The following ATRAID variants were observed in gnomAD, a reference collection of about 807,000 sequenced individuals.
ATRAID encodes the protein all-trans retinoic acid-induced differentiation factor.
ATRAID carries 26 observed loss-of-function variants against 28.8 expected under a neutral mutation model. The observed-to-expected ratio is 0.90, with a 90% CI of 0.66 to 1.25. The LOEUF (loss-of-function observed/expected upper bound fraction) is 1.25, where lower values mean the gene tolerates loss of function less well. Among genes scored for constraint, ATRAID ranks in the 50% most tolerant of loss-of-function variants. ATRAID has a pLI of 0.00. For missense variants in ATRAID, 308 were observed against 285.9 expected (o/e 1.08, Z -0.56); for synonymous variants, 131 against 108.5 (o/e 1.21, Z -1.29).
intron 2 of ATRAID, 28 bp downstream of exon 2, chr2:27,213,326 G>C (rs368522499): frequency 1.0e-5 from 16 of 1,605,736 alleles, no homozygotes; most frequent in African/African-American, 8.0e-5. Flanking sequence ...CTAGATGCTG[G>C]ATACAGGCCA....
intron 2 of ATRAID, among the ~76,000 whole-genome samples, chr2:27,214,804 A>G (rs904994683): frequency 1.3e-5 from 2 of 152,256 alleles, no homozygotes; most frequent in Non-Finnish European, 2.9e-5. Context: ...GTGAGCCGAG[A>G]TCGTGCCACT....
At position 27,217,068 on chromosome 2, in the gene ATRAID, A is replaced by G. The variant is rs1674879083; in HGVS notation, c.*120A>G. On this transcript the variant is annotated 3_prime_UTR_variant, in exon 7 of 7. Transcript: ENST00000380171. ...GATTCGCCTCAAGGTTGAGGCCGCC[A>G]TTGGAAGATGAAAAATTGCACTCCC... is the stretch of plus-strand genomic sequence containing the variant. 9 of 816,092 alleles carry G rather than the reference A, an allele frequency of 1.1e-5. No individual in the cohort carries two copies. Among genetic ancestry groups the G allele is most frequent in the African/African-American group, 1.7e-5 (1 of 58,182 alleles). 50.6% of individuals were successfully genotyped at this position (816,092 alleles called of 1,614,324 possible).
In ATRAID at chr2:27,212,271, G is replaced by A; in HGVS notation, c.-98G>A. The A allele has an allele frequency of 6.4e-7, 1 of 1,555,326 alleles. No homozygotes were observed. Among genetic ancestry groups the A allele is most frequent in the Non-Finnish European group, 8.7e-7 (1 of 1,149,822 alleles). ...AGCAGCCCCAGGGCGACTGGACCGG[G>A]CCGCTTAGGCCACGCCCGGGGAAGA... On this transcript the variant is annotated 5_prime_UTR_variant, in exon 1 of 7. Coordinates refer to ENST00000380171, the MANE Select transcript of ATRAID (RefSeq NM_001170795.4).
rs1315419716 is a variant in ATRAID, at chr2:27,212,485, A to T, written c.99+18A>T. ...TACCCGAGGTACAGAAGCAAGTTTG[A>T]GGTCGGGCTGAAGCAGGGTCGCTGG... On this transcript the variant is annotated intron_variant, in intron 1 of 6. Transcript: ENST00000380171. 1.3e-6 allele frequency: 2 copies of T among 1,556,190 alleles called. No homozygotes were observed. The highest frequency in any genetic ancestry group is 1.7e-6 in the Non-Finnish European group (2 of 1,153,214).
Position 27,212,201 on chromosome 2 carries a change from C to G in ATRAID, c.-168C>G. The stretch of plus-strand genomic sequence containing the variant: ...CAGTATCCCCGAAAGAGGGCTAGGG[C>G]GCATGAAGACCAGCGCAGAGCTCCA... On this transcript the variant is annotated 5_prime_UTR_variant, in exon 1 of 7. Transcript: ENST00000380171. 1 of 1,553,898 alleles carries G rather than the reference C, an allele frequency of 6.4e-7. No homozygotes were observed. Among genetic ancestry groups the G allele is most frequent in the Non-Finnish European group, 8.7e-7 (1 of 1,149,314 alleles).
rs1247016636 is a variant in ATRAID, at chr2:27,216,966, A to C, written c.*18A>C. On this transcript the variant is annotated 3_prime_UTR_variant, in exon 7 of 7. Coordinates refer to ENST00000380171, the MANE Select transcript of ATRAID (RefSeq NM_001170795.4). Reference sequence around the variant, plus strand: ...CTTCATGAACTACATAGGTCTTACCATTGACCTAAGATCAATCTGAACTAT... The same window carrying C: ...CTTCATGAACTACATAGGTCTTACCCTTGACCTAAGATCAATCTGAACTAT... 2.5e-6 allele frequency: 4 copies of C among 1,575,576 alleles called. No homozygotes were observed. Among genetic ancestry groups the C allele is most frequent in the East Asian group, 2.2e-5 (1 of 44,652 alleles).
At position 27,212,188 on chromosome 2, in the gene ATRAID, A is replaced by T. The variant is rs912025923; in HGVS notation, c.-181A>T. ...AGAGGGGGTCGGCCAGTATCCCCGA[A>T]AGAGGGCTAGGGCGCATGAAGACCA... On this transcript the variant is annotated 5_prime_UTR_variant, in exon 1 of 7. Coordinates refer to ENST00000380171, the MANE Select transcript of ATRAID (RefSeq NM_001170795.4). 1 of 1,543,712 alleles carries T rather than the reference A, an allele frequency of 6.5e-7. No homozygotes were observed. The highest frequency in any genetic ancestry group is 1.4e-5 in the African/African-American group (1 of 72,336).
chr2:27,215,750 C>T lies in ATRAID; in HGVS notation c.484C>T (p.Pro162Ser). The part of the protein sequence containing the change: ...QKNLCNNTGD[P>S]EMCPENGSCV... ...GAACCTTTGCAATAACACTGGGGAC[C>T]CAGGTATGCTGTCTTACCTCCAAAC... Residue 162 changes from proline (P) to serine (S), a missense_variant, in exon 5 of 7, where the codon CCA becomes TCA. Pro to Ser is a moderately conservative substitution (Grantham distance 74). Coordinates refer to ENST00000380171, the MANE Select transcript of ATRAID (RefSeq NM_001170795.4). 5.0e-6 allele frequency: 8 copies of T among 1,613,978 alleles called. No individual in the cohort carries two copies. The highest frequency in any genetic ancestry group is 6.8e-6 in the Non-Finnish European group (8 of 1,179,966).
In ATRAID at chr2:27,213,465, C is replaced by T. The variant is rs1205651805; in HGVS notation, c.221+167C>T. The stretch of plus-strand genomic sequence containing the variant: ...TTTAGTGTCTTTTTTAACCTTTCCA[C>T]ACTCCAGGTACATACGGGTACCTCT... On this transcript the variant is annotated intron_variant, in intron 2 of 6. Coordinates refer to ENST00000380171, the MANE Select transcript of ATRAID (RefSeq NM_001170795.4). The T allele has an allele frequency of 7.0e-6, 6 of 858,728 alleles. No individual in the cohort carries two copies. In the East Asian group the frequency reaches 8.5e-5, roughly 12 times the overall value. The allele number at this position is 858,728 out of a possible 1,614,324, so 53.2% of individuals were successfully genotyped here. A position where few individuals can be genotyped will look rare whatever the true frequency, so the allele number is the denominator to read the frequency against.
intron 2 of ATRAID, among the ~76,000 whole-genome samples, chr2:27,213,947 A>G (rs1487230627): frequency 6.6e-6 from 1 of 152,076 alleles, no homozygotes; most frequent in Admixed American, 6.6e-5. Flanking sequence ...TTAAATTATT[A>G]TTTATTTATT....
chr2:27,212,929 G>A (rs1002969472), intron 1 of ATRAID: 11 of 525,044 alleles, frequency 2.1e-5, no homozygotes, highest in Non-Finnish European at 3.3e-5. Context: ...CTTCAGAGAT[G>A]AGGACCTTCC....
At chr2:27,212,812 TTGA>T in intron 1 of ATRAID, 1 of 552,524 alleles carries the variant, frequency 1.8e-6, no homozygotes, top group Non-Finnish European at 2.9e-6. Flanking sequence ...TTTGTAATGC[TTGA>T]TGAGTTCTTT....
chr2:27,216,717 C>T, intron 6 of ATRAID, 97 bp downstream of exon 6: 1 of 1,434,652 alleles, frequency 7.0e-7, no homozygotes, highest in South Asian at 1.2e-5. Context: ...ATACAAATTT[C>T]CTATAGGTGG....
intron 5 of ATRAID, 37 bp downstream of exon 5, chr2:27,215,790 T>G (rs764208613): frequency 6.2e-7 from 1 of 1,605,860 alleles, no homozygotes; most frequent in South Asian, 1.1e-5. Context: ...GGGAATTGTC[T>G]TTTCTCCCTT....
intron 5 of ATRAID, 198 bp from the exon 6 acceptor site, chr2:27,216,325 C>T (rs907513507): frequency 8.8e-6 from 5 of 571,344 alleles, no homozygotes; most frequent in South Asian, 2.0e-5. Flanking sequence ...TGGATGTATA[C>T]GTGCAGGTCA....
At position 27,212,242 on chromosome 2, in the gene ATRAID, C is replaced by A. The variant is rs779407253; in HGVS notation, c.-127C>A. On this transcript the variant is annotated 5_prime_UTR_variant, in exon 1 of 7. Coordinates refer to ENST00000380171, the MANE Select transcript of ATRAID (RefSeq NM_001170795.4). ...CAGAGCTCCACGAGCAGGAAAAGCC[C>A]CCAAGCAGCCCCAGGGCGACTGGAC... 2.6e-6 allele frequency: 4 copies of A among 1,560,668 alleles called. No individual in the cohort carries two copies. The African/African-American group carries it at 5.4e-5, about 21-fold the overall frequency.
At chr2:27,213,344 G>A (rs762459063) in intron 2 of ATRAID, 46 bp downstream of exon 2, 1 of 1,589,134 alleles carries the variant, frequency 6.3e-7, no homozygotes, top group East Asian at 2.3e-5. Flanking sequence ...CCATTCCTTA[G>A]CCTGGCTGCT....
intron 1 of ATRAID, chr2:27,212,972 G>A: frequency 1.7e-6 from 1 of 605,234 alleles, no homozygotes; most frequent in Non-Finnish European, 2.8e-6. Flanking sequence ...AGTGTCGGGA[G>A]CTGATTCGGC....
rs1354316811 is a variant in ATRAID, at chr2:27,216,906, T to C, written c.648T>C (p.Ile216=). ...GAGCCACCACTCTATCCGTCTCCAT[T>C]CTGCTTTGGGCGACCCAGCGCCGAA... ...ILGATTLSVS[I]LLWATQRRKA... The change falls in exon 7 of 7, where the codon ATT becomes ATC. Residue 216 remains isoleucine (I), a synonymous_variant. Transcript: ENST00000380171. 2 of 1,614,192 alleles carry C rather than the reference T, an allele frequency of 1.2e-6. No individual in the cohort carries two copies. Among genetic ancestry groups the C allele is most frequent in the Non-Finnish European group, 1.7e-6 (2 of 1,180,024 alleles).
Sources: allele counts gnomAD v4.1 joint callset (sites outside exome capture counted in the v4.1 genomes callset), GRCh38; gene constraint gnomAD v4.1.1; transcripts MANE v1.5; gene names NCBI Gene and HGNC (gene_info 2026-07-23, HGNC 2026-07-21).